NAA25: variants seen among roughly 807,000 people sequenced by gnomAD.
NAA25 encodes N-terminal acetyltransferase B complex subunit NAA25.
In NAA25, 30 loss-of-function variants were observed where a neutral mutation model predicts 132.5. The ratio of observed to expected loss-of-function variants is 0.23; its 90% CI spans 0.17 to 0.31. The LOEUF is 0.31. Ranked by LOEUF, NAA25 falls within the 10% of genes least tolerant of loss-of-function variation. NAA25 has a pLI of 1.00. For missense variants in NAA25, 771 were observed against 1,150.4 expected (o/e 0.67, Z 4.77); for synonymous variants, 359 against 401.9 (o/e 0.89, Z 1.28).
chr12:112,060,294 G>C lies in NAA25; in HGVS notation c.1423C>G (p.Leu475Val). 1 of 1,612,950 alleles carries C rather than the reference G, an allele frequency of 6.2e-7. No homozygotes were observed. Reference sequence around the variant, plus strand: ...CCTGTTTCCCTCCATACATCAATAAGCGCATGGACAGCAAGGAGACAGTAA... The same window carrying C: ...CCTGTTTCCCTCCATACATCAATAACCGCATGGACAGCAAGGAGACAGTAA... ...DYYCLLAVHA[L>V]IDVWRETGDE... Residue 475 changes from leucine (L) to valine (V), a missense_variant, in exon 13 of 24, where the codon CTT (leucine) becomes GTT (valine). Physicochemically the swap from Leu to Val is conservative, Grantham distance 32. This residue lies in a region of NAA25 where 417 missense variants were observed against 733.8 expected (regional missense o/e 0.57). Coordinates refer to ENST00000261745, the MANE Select transcript of NAA25 (RefSeq NM_024953.4).
At chr12:112,048,217 C>T in intron 16 of NAA25, 75 bp downstream of exon 16, 2 of 1,422,638 alleles carry the variant, frequency 1.4e-6, no homozygotes, top group Non-Finnish European at 1.9e-6. Flanking sequence ...GCCAATAACA[C>T]CCATGAGCCC....
chr12:112,107,856 G>C (rs894181797), intron 1 of NAA25, among the ~76,000 whole-genome samples: 3 of 152,312 alleles, frequency 2.0e-5, no homozygotes. Flanking sequence ...TATTGGAAAA[G>C]GGTTTCTCCC....
rs1373687354 is a variant in NAA25, at chr12:112,071,846, T to C, written c.1036+49A>G. ...GATCTCAACTAATGAATATAGCACT[T>C]GGGTATTAAGGGCATTCTCCAGGCT... is the stretch of plus-strand genomic sequence containing the variant. On this transcript the variant is annotated intron_variant, in intron 10 of 23. Coordinates refer to ENST00000261745, the MANE Select transcript of NAA25 (RefSeq NM_024953.4). 14 of 1,172,658 alleles carry C rather than the reference T, an allele frequency of 1.2e-5. No individual in the cohort carries two copies. In the East Asian group the frequency reaches 4.0e-4, roughly 34 times the overall value. 72.6% of individuals were successfully genotyped at this position (1,172,658 alleles called of 1,614,324 possible). A position where few individuals can be genotyped will look rare whatever the true frequency, so the allele number is the denominator to read the frequency against.
chr12:112,093,142 A>C lies in NAA25; in HGVS notation c.59-6T>G, dbSNP rs919164270. The C allele has an allele frequency of 6.5e-7, 1 of 1,530,564 alleles. No homozygotes were observed. The highest frequency in any genetic ancestry group is 9.0e-7 in the Non-Finnish European group (1 of 1,107,110). The allele number at this position is 1,530,564 out of a possible 1,614,324, so 94.8% of individuals were successfully genotyped here. A position where few individuals can be genotyped will look rare whatever the true frequency, so the allele number is the denominator to read the frequency against. On this transcript the variant is annotated splice_region_variant and splice_polypyrimidine_tract_variant and intron_variant, in intron 1 of 23. Transcript: ENST00000261745. ...ATTACCATTGTCAAGATAATCTATG[A>C]AAAAACAAATTATGTGACAGTTATT...
chr12:112,069,042 T>C, intron 10 of NAA25, 50 bp from the exon 11 acceptor site: 2 of 1,053,628 alleles, frequency 1.9e-6, no homozygotes, highest in South Asian at 2.8e-5. Flanking sequence ...CAGAAGCAAT[T>C]TCTATTTAAG....
At position 112,033,188 on chromosome 12, in the gene NAA25, T is replaced by G. The variant is rs377640040; in HGVS notation, c.2796+45A>C. 54 of 1,539,512 alleles carry G rather than the reference T, an allele frequency of 3.5e-5. No individual in the cohort carries two copies. The African/African-American group carries it at 6.8e-4, about 19-fold the overall frequency. The stretch of plus-strand genomic sequence containing the variant: ...AAGATGAGAGAGAGAGACAGAGTGT[T>G]TGTGTGTGTGTAGAAAACATTGCCG... On this transcript the variant is annotated intron_variant, in intron 23 of 23. Coordinates refer to ENST00000261745, the MANE Select transcript of NAA25 (RefSeq NM_024953.4).
rs1393603017 is a variant in NAA25 at position 112,028,450 on chromosome 12, A to G, written c.*1081T>C. 1 of 152,412 alleles carries G rather than the reference A, an allele frequency of 6.6e-6. No homozygotes were observed. Among genetic ancestry groups the G allele is most frequent in the African/African-American group, 2.4e-5 (1 of 41,446 alleles). The allele number at this position is 152,412 out of a possible 1,614,324, so 9.4% of individuals were successfully genotyped here. ...TGAACAAAGTAAACACCATCCTGTT[A>G]TAATTCTCTAAGTTTGAAGAAAGTA... On this transcript the variant is annotated 3_prime_UTR_variant, in exon 24 of 24. Coordinates refer to ENST00000261745, the MANE Select transcript of NAA25 (RefSeq NM_024953.4).
chr12:112,033,534 C>T (rs2078179094), intron 22 of NAA25, 155 bp from the exon 23 acceptor site: 1 of 505,258 alleles, frequency 2.0e-6, no homozygotes, highest in Admixed American at 4.0e-5. Context: ...ACCAGCTAGA[C>T]ATTTGGAGAT....
chr12:112,078,176 T>C lies in NAA25; in HGVS notation c.664+12A>G. On this transcript the variant is annotated intron_variant, in intron 7 of 23. Coordinates refer to ENST00000261745, the MANE Select transcript of NAA25 (RefSeq NM_024953.4). ...AAAAAAAAAAAGCTTTAAGAAAATGTTTAAAAATTACCTCCTAATTTCCCT... is the reference window on the plus strand; with the variant it reads ...AAAAAAAAAAAGCTTTAAGAAAATGCTTAAAAATTACCTCCTAATTTCCCT... 1.3e-6 allele frequency: 2 copies of C among 1,561,864 alleles called. No individual in the cohort carries two copies. The highest frequency in any genetic ancestry group is 1.2e-5 in the South Asian group (1 of 83,576).
chr12:112,068,880 T>A lies in NAA25; in HGVS notation c.1149A>T (p.Lys383Asn). Residue 383 changes from lysine to asparagine, a missense_variant and splice_region_variant, in exon 11 of 24, where the codon AAA becomes AAT. Physicochemically the swap from Lys to Asn is moderately conservative, Grantham distance 94. This residue lies in a region of NAA25 where 417 missense variants were observed against 733.8 expected (regional missense o/e 0.57). Transcript: ENST00000261745. ...AACTTCTAAACTGTATAGTACTTAC[T>A]TTTGTACACTGTGTAGCAGGTAAGA... ...VDLLPATQCTKFINQLLGVVP... is the reference protein window; with the variant it reads ...VDLLPATQCTNFINQLLGVVP... 6.3e-7 allele frequency: 1 copy of A among 1,580,248 alleles called. No individual in the cohort carries two copies. Among genetic ancestry groups the A allele is most frequent in the African/African-American group, 1.4e-5 (1 of 73,990 alleles).
At chr12:112,106,949 T>C (rs1408541136) in intron 1 of NAA25, among the ~76,000 whole-genome samples, 6 of 99,594 alleles carry the variant, frequency 6.0e-5, no homozygotes, top group Non-Finnish European at 1.1e-4. Flanking sequence ...AGAATGAGAC[T>C]GTCTCCAAAA....
At chr12:112,093,014 C>G in intron 2 of NAA25, 37 bp downstream of exon 2, 1 of 1,432,548 alleles carries the variant, frequency 7.0e-7, no homozygotes, top group South Asian at 1.2e-5. Context: ...AAATATAACC[C>G]GCCACAGGTA....
chr12:112,030,423 C>CTTT (rs2078134285), intron 23 of NAA25, among the ~76,000 whole-genome samples: 2 of 152,026 alleles, frequency 1.3e-5, no homozygotes, highest in African/African-American at 4.8e-5. Flanking sequence ...ATCATCATAG[C>CTTT]CACTTTTAAT....
At chr12:112,072,137 C>G in intron 9 of NAA25, 73 bp from the exon 10 acceptor site, 1 of 1,112,556 alleles carries the variant, frequency 9.0e-7, no homozygotes, top group Non-Finnish European at 1.2e-6. Flanking sequence ...TCAAGCCAAA[C>G]TCATTTAAAA....
At chr12:112,054,176 ACT>A (rs1014895687) in intron 14 of NAA25, among the ~76,000 whole-genome samples, 5 of 152,026 alleles carry the variant, frequency 3.3e-5, no homozygotes, top group Non-Finnish European at 2.9e-5. Context: ...TCTGGGGAAA[ACT>A]CTCTTACATT....
intron 21 of NAA25, 129 bp downstream of exon 21, chr12:112,040,352 A>G: frequency 3.7e-6 from 2 of 540,318 alleles, no homozygotes; most frequent in Non-Finnish European, 6.6e-6. Flanking sequence ...TTGCTTTTCA[A>G]TTAACAAAAA....
intron 15 of NAA25, 34 bp from the exon 16 acceptor site, chr12:112,048,477 G>A (rs1228338806): frequency 1.3e-6 from 2 of 1,585,624 alleles, no homozygotes; most frequent in African/African-American, 2.7e-5. Flanking sequence ...GGTATAAATA[G>A]TTCACAAGTC....
Position 112,043,277 on chromosome 12 carries a change from C to A in NAA25, c.2251-66G>T, listed in dbSNP as rs1773603649. On this transcript the variant is annotated intron_variant, in intron 18 of 23. Coordinates refer to ENST00000261745, the MANE Select transcript of NAA25 (RefSeq NM_024953.4). The stretch of plus-strand genomic sequence containing the variant: ...CTAAATGCATACAAAATAAGAAAAT[C>A]AGGTAACTAGTAGATAAAAACCTGT... 15 of 1,485,582 alleles carry A rather than the reference C, an allele frequency of 1.0e-5. No homozygotes were observed. In the South Asian group the frequency reaches 2.0e-4, roughly 20 times the overall value. 92.0% of individuals were successfully genotyped at this position (1,485,582 alleles called of 1,614,324 possible).
chr12:112,107,942 G>A (rs1353632952), intron 1 of NAA25, among the ~76,000 whole-genome samples: 1 of 152,184 alleles, frequency 6.6e-6, no homozygotes, highest in Non-Finnish European at 1.5e-5. Flanking sequence ...TCTGCGGGTT[G>A]AGGTAAGAGT....
Sources: gnomAD v4.1 joint callset for allele counts (sites outside exome capture counted in the v4.1 genomes callset) on GRCh38, gnomAD v4.1.1 for gene constraint, gnomAD v4.1.1 regional missense constraint, MANE v1.5 for transcripts, NCBI Gene and HGNC (gene_info 2026-07-23, HGNC 2026-07-21) for gene names.